Variants in SOS1 observed in about 807,000 individuals in gnomAD.
SOS1 encodes the protein son of sevenless homolog 1.
A neutral mutation model predicts 157.6 loss-of-function variants in SOS1; 25 were observed. The observed-to-expected ratio is 0.16, with a 90% CI of 0.12 to 0.22. SOS1 has a LOEUF of 0.22. Ranked by LOEUF, SOS1 falls within the 10% of genes least tolerant of loss-of-function variation. SOS1 has a pLI of 1.00. For synonymous variants in SOS1, 528 were observed against 534.0 expected (o/e 0.99, Z 0.16); for missense variants, 1,237 against 1,599.1 (o/e 0.77, Z 3.86).
At chr2:39,020,209 A>G (rs1669755896) in intron 10 of SOS1, among the ~76,000 whole-genome samples, 1 of 151,644 alleles carries the variant, frequency 6.6e-6, no homozygotes, top group African/African-American at 2.4e-5. Flanking sequence ...CTCTTCTAGC[A>G]TTAGAGATCT....
At chr2:39,020,465 T>C (rs1019926255) in intron 10 of SOS1, among the ~76,000 whole-genome samples, 1 of 151,758 alleles carries the variant, frequency 6.6e-6, no homozygotes, top group African/African-American at 2.4e-5. Context: ...AATGTGTAAG[T>C]TAAATGTTAG....
At chr2:39,011,255 C>G (rs1005673763) in intron 14 of SOS1, among the ~76,000 whole-genome samples, 2 of 152,066 alleles carry the variant, frequency 1.3e-5, no homozygotes, top group Non-Finnish European at 1.5e-5. Context: ...TTTAGCGTTC[C>G]TTTATAGTAG....
intron 1 of SOS1, among the ~76,000 whole-genome samples, chr2:39,102,530 C>CAAAAAAAAAA (rs70954782): frequency 1.2e-4 from 6 of 50,600 alleles, no homozygotes; most frequent in Admixed American, 3.7e-4. Flanking sequence ...GACTCCATCT[C>CAAAAAAAAAA]AAAAAAAAAA....
intron 1 of SOS1, among the ~76,000 whole-genome samples, chr2:39,116,336 A>G (rs570544525): frequency 3.3e-5 from 5 of 152,322 alleles, no homozygotes; most frequent in African/African-American, 1.2e-4. Flanking sequence ...CCAATCACTC[A>G]GTGAGTTACT....
chr2:39,088,510 A>C (rs366840), intron 1 of SOS1, among the ~76,000 whole-genome samples: 120,602 of 151,894 alleles, frequency 0.79, 50,249 homozygotes, highest in Non-Finnish European at 0.92. Context: ...GGCTCTGGAA[A>C]CTACCATTCT....
intron 6 of SOS1, among the ~76,000 whole-genome samples, chr2:39,044,878 A>ACACACACACT (rs947248492): frequency 4.3e-4 from 65 of 151,998 alleles, no homozygotes; most frequent in African/African-American, 1.5e-3. Flanking sequence ...ACACACACAC[A>ACACACACACT]CACTCTGTTG....
In SOS1 at chr2:38,983,835, A is replaced by G. The variant is rs551844252; in HGVS notation, c.*1989T>C. On this transcript the variant is annotated 3_prime_UTR_variant, in exon 23 of 23. Transcript: ENST00000402219. ...CTGTTGAATGGATGGTCTTAGGGAC[A>G]CTTTGCATCCAAGAGGGGATTTGAA... 4 of 152,314 alleles carry G rather than the reference A, an allele frequency of 2.6e-5. No homozygotes were observed. Among genetic ancestry groups the G allele is most frequent in the African/African-American group, 7.2e-5 (3 of 41,584 alleles). 9.4% of individuals were successfully genotyped at this position (152,314 alleles called of 1,614,324 possible).
rs774559856 is a variant in SOS1, at chr2:39,024,087, T to C, written c.1125A>G (p.Gln375=). ...EDQEDKECLK[Q]AITALLNVQS... ...GAACATTAAGCAAAGCTGTTATTGCTTGTTTTAAACATTCCTTGTCTTCTT... is the reference window on the plus strand; with the variant it reads ...GAACATTAAGCAAAGCTGTTATTGCCTGTTTTAAACATTCCTTGTCTTCTT... Residue 375 remains glutamine, a synonymous_variant, in exon 9 of 23, where the codon CAA becomes CAG. Coordinates refer to ENST00000402219, the MANE Select transcript of SOS1 (RefSeq NM_005633.4). 3 of 1,608,762 alleles carry C rather than the reference T, an allele frequency of 1.9e-6. No homozygotes were observed. The South Asian group carries it at 3.3e-5, about 18-fold the overall frequency.
chr2:39,074,392 A>G lies in SOS1; in HGVS notation c.88-6639T>C, dbSNP rs547022370. 1.4e-3 allele frequency among the ~76,000 whole-genome samples: 211 copies of G among 151,342 alleles called. 1 individual carries two copies. The highest frequency in any genetic ancestry group is 4.9e-3 in the African/African-American group (203 of 41,324). ...AAAAAAATAGACCAGCCTGGCCAAC[A>G]TGGCAAAACCCCATCTCTACCAAAA... On this transcript the variant is annotated intron_variant, in intron 1 of 22. Transcript: ENST00000402219.
At chr2:39,054,377 T>G (rs1671133434) in intron 5 of SOS1, among the ~76,000 whole-genome samples, 1 of 152,250 alleles carries the variant, frequency 6.6e-6, no homozygotes, top group South Asian at 2.1e-4. Context: ...TTGGAGTACA[T>G]GGAGAATTCT....
intron 8 of SOS1, among the ~76,000 whole-genome samples, chr2:39,028,370 TCAAGAG>T (rs1670041968): frequency 6.6e-6 from 1 of 152,164 alleles, no homozygotes. Context: ...AGACTAAAAC[TCAAGAG>T]TGTTTGATAC....
At chr2:39,121,475 A>G (rs1017800498), upstream of SOS1, among the ~76,000 whole-genome samples, 3 of 152,234 alleles carry the variant, frequency 2.0e-5, no homozygotes, top group Non-Finnish European at 4.4e-5. Flanking sequence ...TGAGTAGTAG[A>G]AGTGATTGCG....
At chr2:39,105,622 G>A (rs147064465) in intron 1 of SOS1, among the ~76,000 whole-genome samples, 22 of 152,276 alleles carry the variant, frequency 1.4e-4, no homozygotes, top group African/African-American at 5.3e-4. Context: ...CAGTGGCCAG[G>A]CCTGCTGGCT....
chr2:39,022,662 T>G lies in SOS1; in HGVS notation c.1766A>C (p.Glu589Ala). The change falls in exon 10 of 23, where the codon GAA becomes GCA. Residue 589 changes from glutamate (E) to alanine (A), a missense_variant. Glu to Ala is a moderately radical substitution (Grantham distance 107). This residue lies in a region of SOS1 where 210 missense variants were observed against 220.2 expected (regional missense o/e 0.95). Coordinates refer to ENST00000402219, the MANE Select transcript of SOS1 (RefSeq NM_005633.4). The part of the protein sequence containing the change: ...EPDSEENIIF[E>A]ENMQPKAGIP... ...TCCAGCCTTGGGCTGCATGTTCTCTTCAAATATAATATTCTCTTCAGAGTC... is the reference window on the plus strand; with the variant it reads ...TCCAGCCTTGGGCTGCATGTTCTCTGCAAATATAATATTCTCTTCAGAGTC... 1 of 1,613,236 alleles carries G rather than the reference T, an allele frequency of 6.2e-7. No homozygotes were observed. The highest frequency in any genetic ancestry group is 8.5e-7 in the Non-Finnish European group (1 of 1,179,276).
intron 1 of SOS1, among the ~76,000 whole-genome samples, chr2:39,080,538 A>T (rs1453614889): frequency 6.6e-6 from 1 of 152,238 alleles, no homozygotes; most frequent in Admixed American, 6.5e-5. Context: ...AGCTTTAAGA[A>T]ATTAAAATAA....
At chr2:39,034,962 A>G (rs1052090278) in intron 8 of SOS1, 27 of 546,208 alleles carry the variant, frequency 4.9e-5, no homozygotes, top group Non-Finnish European at 7.0e-5. Context: ...CATTCACTAA[A>G]AAACCAAAAA....
At chr2:39,038,573 A>AAAAT (rs1379512190) in intron 6 of SOS1, among the ~76,000 whole-genome samples, 1 of 151,364 alleles carries the variant, frequency 6.6e-6, no homozygotes, top group African/African-American at 2.4e-5. Context: ...CTCTCTACTA[A>AAAAT]AAATACAAAA....
At position 38,982,553 on chromosome 2, in the gene SOS1, A is replaced by G. The variant is rs1668435103; in HGVS notation, c.*3271T>C. ...CTTGCGTAGTCACACAATATATGTT[A>G]AAAGAATAAGTAAACCTATTCACAG... On this transcript the variant is annotated 3_prime_UTR_variant, in exon 23 of 23. Transcript: ENST00000402219. 6.6e-6 allele frequency: 1 copy of G among 152,196 alleles called. No individual in the cohort carries two copies. Among genetic ancestry groups the G allele is most frequent in the South Asian group, 2.1e-4 (1 of 4,828 alleles). The allele number at this position is 152,196 out of a possible 1,614,324, so 9.4% of individuals were successfully genotyped here.
At chr2:39,118,386 C>T (rs749105361) in intron 1 of SOS1, among the ~76,000 whole-genome samples, 2 of 152,180 alleles carry the variant, frequency 1.3e-5, no homozygotes, top group Non-Finnish European at 2.9e-5. Context: ...TTTTGAGCTA[C>T]CAACAGCATA....
Sources: allele counts gnomAD v4.1 joint callset (sites outside exome capture counted in the v4.1 genomes callset), GRCh38; gene constraint gnomAD v4.1.1; regional missense constraint gnomAD v4.1.1; transcripts MANE v1.5; gene names NCBI Gene and HGNC (gene_info 2026-07-23, HGNC 2026-07-21).